GULP1: variants seen among roughly 807,000 people sequenced by gnomAD.
GULP1 encodes GULP PTB domain containing engulfment adaptor 1.
In GULP1, 19 loss-of-function variants were observed where a neutral mutation model predicts 40.9. The observed-to-expected ratio is 0.46, with a 90% CI of 0.32 to 0.68. GULP1 has a LOEUF of 0.68. Ranked by LOEUF, GULP1 falls within the 30% of genes least tolerant of loss-of-function variation. The pLI is 0.03. For missense variants in GULP1, 312 were observed against 362.2 expected (o/e 0.86, Z 1.12); for synonymous variants, 119 against 117.6 (o/e 1.01, Z -0.08).
At chr2:188,511,828 T>C (rs1303752148) in intron 4 of GULP1, among the ~76,000 whole-genome samples, 1 of 152,188 alleles carries the variant, frequency 6.6e-6, no homozygotes, top group Non-Finnish European at 1.5e-5. Context: ...ACTCAGTCCA[T>C]ATTTTAAAAA....
intron 1 of GULP1, among the ~76,000 whole-genome samples, chr2:188,354,367 C>T (rs1018506274): frequency 6.6e-6 from 1 of 152,176 alleles, no homozygotes; most frequent in South Asian, 2.1e-4. Context: ...AAGGTTTGCA[C>T]CTGGGGAGCA....
At chr2:188,491,183 A>G (rs1386736214) in intron 4 of GULP1, among the ~76,000 whole-genome samples, 1 of 152,068 alleles carries the variant, frequency 6.6e-6, no homozygotes, top group African/African-American at 2.4e-5. Context: ...GGGTCAAGCA[A>G]TAGCATTCTG....
At position 188,504,520 on chromosome 2, in the gene GULP1, A is replaced by G. The variant is rs571425687; in HGVS notation, c.91-18236A>G. On this transcript the variant is annotated intron_variant, in intron 4 of 11. Transcript: ENST00000409830. The stretch of plus-strand genomic sequence containing the variant: ...TAGATCAGAATATAAAGGCAAAGGT[A>G]GTTATTTCTTTATCCCATTTTGACA... Among the ~76,000 whole-genome samples, 18 of 152,056 alleles carry G rather than the reference A, an allele frequency of 1.2e-4. No individual in the cohort carries two copies. In the East Asian group the frequency reaches 3.5e-3, roughly 29 times the overall value.
At chr2:188,554,737 T>C in intron 7 of GULP1, among the ~76,000 whole-genome samples, 1 of 152,010 alleles carries the variant, frequency 6.6e-6, no homozygotes, top group Non-Finnish European at 1.5e-5. Context: ...GACAATGGGG[T>C]TTTGGGCTCC....
intron 1 of GULP1, among the ~76,000 whole-genome samples, chr2:188,364,752 C>CATATACAT (rs150119137): frequency 2.0e-5 from 3 of 148,178 alleles, no homozygotes; most frequent in Admixed American, 6.8e-5. Flanking sequence ...ATATATGATA[C>CATATACAT]ATATACATAT....
chr2:188,461,992 T>G (rs537181401), intron 2 of GULP1, among the ~76,000 whole-genome samples: 5 of 152,226 alleles, frequency 3.3e-5, no homozygotes, highest in African/African-American at 1.2e-4. Flanking sequence ...GTTCTTGTTT[T>G]TCTAGTTCTT....
chr2:188,474,540 A>T (rs1393966289), intron 2 of GULP1, among the ~76,000 whole-genome samples: 1 of 152,088 alleles, frequency 6.6e-6, no homozygotes, highest in East Asian at 1.9e-4. Context: ...TGAACGCCTT[A>T]CAATTGCTGT....
chr2:188,515,819 A>G (rs2065115807), intron 4 of GULP1, among the ~76,000 whole-genome samples: 1 of 152,132 alleles, frequency 6.6e-6, no homozygotes, highest in Non-Finnish European at 1.5e-5. Context: ...GATAGTAAAT[A>G]CTCAAAAATA....
At chr2:188,314,302 A>G (rs1200888637) in intron 1 of GULP1, among the ~76,000 whole-genome samples, 1 of 152,146 alleles carries the variant, frequency 6.6e-6, no homozygotes, top group Non-Finnish European at 1.5e-5. Flanking sequence ...CTTAAGAATC[A>G]TTTTTTATTA....
chr2:188,573,873 A>C (rs1699638898), intron 9 of GULP1, among the ~76,000 whole-genome samples: 1 of 152,202 alleles, frequency 6.6e-6, no homozygotes, highest in African/African-American at 2.4e-5. Flanking sequence ...GGAGCCCCTA[A>C]CACAGAAAAC....
At chr2:188,465,777 G>T (rs2060059480) in intron 2 of GULP1, among the ~76,000 whole-genome samples, 2 of 152,056 alleles carry the variant, frequency 1.3e-5, no homozygotes, top group South Asian at 4.2e-4. Context: ...ACTCTCCCCA[G>T]TGCACAGCAA....
chr2:188,443,329 A>G (rs1271627599), intron 2 of GULP1, among the ~76,000 whole-genome samples: 1 of 152,080 alleles, frequency 6.6e-6, no homozygotes, highest in Non-Finnish European at 1.5e-5. Flanking sequence ...AGCTGGCACG[A>G]TTTACATGTT....
At chr2:188,458,298 C>T (rs1264578198) in intron 2 of GULP1, among the ~76,000 whole-genome samples, 1 of 152,152 alleles carries the variant, frequency 6.6e-6, no homozygotes, top group African/African-American at 2.4e-5. Context: ...CTCCTGTTAA[C>T]ATAATTTTCC....
rs575220913 is a variant in GULP1, at chr2:188,491,433, CAG to C, written c.90+7945_90+7946del. On this transcript the variant is annotated intron_variant, in intron 4 of 11. Transcript: ENST00000409830. ...TTTTGTTTTGTTTTTGTTTTCTTAA[CAG>C]AGAACGTAGGAGAAATGAGAATGAA... 6 of 151,694 alleles carry C rather than the reference CAG, an allele frequency of 4.0e-5. No individual in the cohort carries two copies. The East Asian group carries it at 1.2e-3, about 30-fold the overall frequency. 9.4% of individuals were successfully genotyped at this position (151,694 alleles called of 1,614,324 possible).
At chr2:188,407,512 G>T (rs989423797) in intron 2 of GULP1, among the ~76,000 whole-genome samples, 5 of 152,178 alleles carry the variant, frequency 3.3e-5, no homozygotes, top group African/African-American at 1.2e-4. Flanking sequence ...CATAAAATGT[G>T]AGTGATATGG....
intron 7 of GULP1, among the ~76,000 whole-genome samples, chr2:188,562,663 C>A (rs1015856343): frequency 2.1e-4 from 31 of 150,956 alleles, no homozygotes; most frequent in East Asian, 5.8e-4. Flanking sequence ...CCAAAAAAAA[C>A]CCCCAAAACC....
At chr2:188,561,123 C>G (rs1696150191) in intron 7 of GULP1, among the ~76,000 whole-genome samples, 1 of 152,172 alleles carries the variant, frequency 6.6e-6, no homozygotes, top group Non-Finnish European at 1.5e-5. Flanking sequence ...GTGCTGGGGA[C>G]TGGGACGTTA....
At chr2:188,473,176 T>G (rs2153017018) in intron 2 of GULP1, among the ~76,000 whole-genome samples, 1 of 152,302 alleles carries the variant, frequency 6.6e-6, no homozygotes, top group Admixed American at 6.5e-5. Flanking sequence ...TCTCTCTCTC[T>G]CTGTTCTGAA....
At chr2:188,411,734 G>A (rs1010030322) in intron 2 of GULP1, among the ~76,000 whole-genome samples, 2 of 152,042 alleles carry the variant, frequency 1.3e-5, no homozygotes, top group African/African-American at 4.8e-5. Context: ...CCAAACCATT[G>A]GCTACAGCCC....
Sources: gnomAD v4.1 joint callset for allele counts (sites outside exome capture counted in the v4.1 genomes callset) on GRCh38, gnomAD v4.1.1 for gene constraint, MANE v1.5 for transcripts, NCBI Gene and HGNC (gene_info 2026-07-23, HGNC 2026-07-21) for gene names.